CMC2: variants seen among roughly 807,000 people sequenced by gnomAD.
CMC2 encodes the protein COX assembly mitochondrial protein 2 homolog.
A neutral mutation model predicts 7.5 loss-of-function variants in CMC2; 5 were observed. The ratio of observed to expected loss-of-function variants is 0.66; its 90% CI spans 0.35 to 1.40. The LOEUF is 1.40. CMC2 is among the 40% of genes most tolerant of loss of function. CMC2 has a pLI of 0.04. For synonymous variants in CMC2, 37 were observed against 31.4 expected (o/e 1.18, Z -0.60); for missense variants, 115 against 92.3 (o/e 1.25, Z -1.01).
rs1409835040 is a variant in CMC2 at position 80,970,383 on chromosome 16, G to C, written c.*5710C>G. The C allele has an allele frequency of 6.6e-6, 1 of 152,108 alleles. No individual in the cohort carries two copies. Among genetic ancestry groups the C allele is most frequent in the Non-Finnish European group, 1.5e-5 (1 of 68,032 alleles). The allele number at this position is 152,108 out of a possible 1,614,324, so 9.4% of individuals were successfully genotyped here. A position where few individuals can be genotyped will look rare whatever the true frequency, so the allele number is the denominator to read the frequency against. ...TTAGCTTTTGAGTTTCACAAATATGGGAAGGCACACTAGAAGGAGGTGCAG... is the reference window on the plus strand; with the variant it reads ...TTAGCTTTTGAGTTTCACAAATATGCGAAGGCACACTAGAAGGAGGTGCAG... On this transcript the variant is annotated 3_prime_UTR_variant, in exon 4 of 4. Coordinates refer to ENST00000219400, the MANE Select transcript of CMC2 (RefSeq NM_020188.5).
chr16:81,002,319 G>A (rs1968927530), intron 1 of CMC2, among the ~76,000 whole-genome samples: 1 of 152,086 alleles, frequency 6.6e-6, no homozygotes, highest in East Asian at 1.9e-4. Flanking sequence ...CCAGCTACTT[G>A]GGAGGCCGAA....
intron 1 of CMC2, among the ~76,000 whole-genome samples, chr16:81,005,311 T>C (rs896451037): frequency 1.8e-4 from 27 of 151,906 alleles, no homozygotes. Flanking sequence ...ACTCAGGAGG[T>C]TGAGGCACGA....
chr16:80,993,507 C>T (rs1968170286), intron 2 of CMC2, among the ~76,000 whole-genome samples: 1 of 152,180 alleles, frequency 6.6e-6, no homozygotes, highest in South Asian at 2.1e-4. Context: ...ATTCACTACA[C>T]ATGTATTGGG....
At chr16:80,978,812 T>C (rs776487530) in intron 3 of CMC2, among the ~76,000 whole-genome samples, 15 of 152,112 alleles carry the variant, frequency 9.9e-5, no homozygotes, top group Non-Finnish European at 1.6e-4. Context: ...CTGGGCGCAG[T>C]GGCTCACGCC....
intron 1 of CMC2, among the ~76,000 whole-genome samples, chr16:81,005,824 G>A (rs1453192841): frequency 6.6e-6 from 1 of 152,212 alleles, no homozygotes; most frequent in East Asian, 1.9e-4. Flanking sequence ...AATTTCAGAG[G>A]AAAATACTCG....
Position 81,006,851 on chromosome 16 carries a change from T to C in CMC2, c.-153A>G, listed in dbSNP as rs540736086. The C allele has an allele frequency of 4.1e-6, 4 of 985,778 alleles. No individual in the cohort carries two copies. Among genetic ancestry groups the C allele is most frequent in the African/African-American group, 1.7e-5 (1 of 57,358 alleles). The allele number at this position is 985,778 out of a possible 1,614,324, so 61.1% of individuals were successfully genotyped here. On this transcript the variant is annotated 5_prime_UTR_variant, in exon 1 of 4. Coordinates refer to ENST00000219400, the MANE Select transcript of CMC2 (RefSeq NM_020188.5). ...CCGCTTGCCAGACGCCGAAACCCAG[T>C]GACGCCCTCCACCGCTCCACCGTGC...
chr16:80,987,172 C>G (rs539950338), intron 2 of CMC2, among the ~76,000 whole-genome samples: 1 of 152,248 alleles, frequency 6.6e-6, no homozygotes, highest in Non-Finnish European at 1.5e-5. Context: ...AAGCAGTATT[C>G]TTTCAATAGC....
intron 2 of CMC2, among the ~76,000 whole-genome samples, chr16:80,990,969 C>T (rs1056532836): frequency 6.6e-6 from 1 of 151,422 alleles, no homozygotes; most frequent in Non-Finnish European, 1.5e-5. Context: ...TCAAGCAATC[C>T]TCCCGCCTCA....
At chr16:80,985,864 G>C (rs139103950) in intron 2 of CMC2, among the ~76,000 whole-genome samples, 2 of 132,938 alleles carry the variant, frequency 1.5e-5, no homozygotes, top group East Asian at 4.9e-4. Context: ...AAAAATCAAG[G>C]CTTGGAAGAC....
chr16:80,997,131 A>AT, intron 2 of CMC2, 183 bp downstream of exon 2: 1 of 598,734 alleles, frequency 1.7e-6, no homozygotes, highest in Non-Finnish European at 3.0e-6. Context: ...TACTAATCAT[A>AT]AAAGGAGGTA....
At position 80,972,324 on chromosome 16, in the gene CMC2, T is replaced by C. The variant is rs564547776; in HGVS notation, c.*3769A>G. 1 of 152,094 alleles carries C rather than the reference T, an allele frequency of 6.6e-6. No homozygotes were observed. Among genetic ancestry groups the C allele is most frequent in the Non-Finnish European group, 1.5e-5 (1 of 68,036 alleles). The allele number at this position is 152,094 out of a possible 1,614,324, so 9.4% of individuals were successfully genotyped here. A position where few individuals can be genotyped will look rare whatever the true frequency, so the allele number is the denominator to read the frequency against. Reference sequence around the variant, plus strand: ...TCAGGGTTTCAATATCAGGGTGTAGTGAAAGGAGCAACTCCCTTGGGACAG... The same window carrying C: ...TCAGGGTTTCAATATCAGGGTGTAGCGAAAGGAGCAACTCCCTTGGGACAG... On this transcript the variant is annotated 3_prime_UTR_variant, in exon 4 of 4. Transcript: ENST00000219400.
At chr16:80,982,150 T>C (rs562253072) in intron 2 of CMC2, among the ~76,000 whole-genome samples, 5 of 152,198 alleles carry the variant, frequency 3.3e-5, no homozygotes, top group Admixed American at 3.3e-4. Flanking sequence ...ACAGATGAAC[T>C]ACCATAGCCT....
rs1301523307 is a variant in CMC2, at chr16:80,976,036, T to C, written c.*57A>G. 3.2e-6 allele frequency: 3 copies of C among 937,500 alleles called. No individual in the cohort carries two copies. The highest frequency in any genetic ancestry group is 4.9e-5 in the East Asian group (2 of 40,958). The allele number at this position is 937,500 out of a possible 1,614,324, so 58.1% of individuals were successfully genotyped here. A position where few individuals can be genotyped will look rare whatever the true frequency, so the allele number is the denominator to read the frequency against. ...CCAAATAAGACAGGATTCTTTCAGG[T>C]ATCAACCCAGAGTCTTTAGGTCTTC... On this transcript the variant is annotated 3_prime_UTR_variant, in exon 4 of 4. Transcript: ENST00000219400.
chr16:80,980,857 A>C (rs970745247), intron 3 of CMC2: 33 of 699,960 alleles, frequency 4.7e-5, no homozygotes, highest in Admixed American at 1.0e-4. Flanking sequence ...ACTGCACTCC[A>C]GCTTAGGTGA....
rs765808701 is a variant in CMC2 at position 80,974,965 on chromosome 16, C to A, written c.*1128G>T. 3.9e-5 allele frequency: 6 copies of A among 152,244 alleles called. No individual in the cohort carries two copies. The highest frequency in any genetic ancestry group is 7.3e-5 in the Non-Finnish European group (5 of 68,066). 9.4% of individuals were successfully genotyped at this position (152,244 alleles called of 1,614,324 possible). On this transcript the variant is annotated 3_prime_UTR_variant, in exon 4 of 4. Coordinates refer to ENST00000219400, the MANE Select transcript of CMC2 (RefSeq NM_020188.5). ...TTATTAAACACCAACACCAACAAGGCCTCATGCTGGATATTATACACAGAA... is the reference window on the plus strand; with the variant it reads ...TTATTAAACACCAACACCAACAAGGACTCATGCTGGATATTATACACAGAA...
Position 80,992,704 on chromosome 16 carries a change from C to CTTT in CMC2, c.81+4609_81+4610insAAA, listed in dbSNP as rs1567523554. Among the ~76,000 whole-genome samples, 26 of 127,448 alleles carry CTTT rather than the reference C, an allele frequency of 2.0e-4. 1 individual carries two copies. Among genetic ancestry groups the CTTT allele is most frequent in the African/African-American group, 8.5e-4 (25 of 29,312 alleles). 83.6% of individuals were successfully genotyped at this position (127,448 alleles called of 152,430 possible). ...TGATTTTTGGCCTCTTATTCCCCCT[C>CTTT]CTTTTTTTTTTTTTTTTTGTGTAAA... is the stretch of plus-strand genomic sequence containing the variant. On this transcript the variant is annotated intron_variant, in intron 2 of 3. Coordinates refer to ENST00000219400, the MANE Select transcript of CMC2 (RefSeq NM_020188.5).
chr16:80,999,249 G>GTA (rs1567532330), intron 1 of CMC2, among the ~76,000 whole-genome samples: 9 of 152,138 alleles, frequency 5.9e-5, no homozygotes. Context: ...AGAAAAATCA[G>GTA]TAGCACGTCT....
chr16:80,977,741 A>G (rs1912592355), intron 3 of CMC2, among the ~76,000 whole-genome samples: 1 of 152,168 alleles, frequency 6.6e-6, no homozygotes, highest in African/African-American at 2.4e-5. Context: ...ATCTTCTGGA[A>G]TGGTAGTTTT....
In CMC2 at chr16:80,968,735, T is replaced by C. The variant is rs935865865; in HGVS notation, c.*7358A>G. ...TCAAATATAGTTTTTAAAGGTGTAG[T>C]TGAGCTCACAAGAAAGGAAAGAAAA... On this transcript the variant is annotated 3_prime_UTR_variant, in exon 4 of 4. Coordinates refer to ENST00000219400, the MANE Select transcript of CMC2 (RefSeq NM_020188.5). 1 of 151,982 alleles carries C rather than the reference T, an allele frequency of 6.6e-6. No individual in the cohort carries two copies. The highest frequency in any genetic ancestry group is 2.4e-5 in the African/African-American group (1 of 41,364). 9.4% of individuals were successfully genotyped at this position (151,982 alleles called of 1,614,324 possible).
Sources: allele counts gnomAD v4.1 joint callset (sites outside exome capture counted in the v4.1 genomes callset), GRCh38; gene constraint gnomAD v4.1.1; transcripts MANE v1.5; gene names NCBI Gene and HGNC (gene_info 2026-07-23, HGNC 2026-07-21).